SDK1: variants seen among roughly 807,000 people sequenced by gnomAD.
SDK1 encodes sidekick cell adhesion molecule 1.
Under a neutral mutation model 245.5 loss-of-function variants are expected in SDK1, and 157 were observed. The observed-to-expected ratio is 0.64, with a 90% CI of 0.56 to 0.73. SDK1 has a LOEUF of 0.73. Among genes scored for constraint, SDK1 ranks in the 30% least tolerant of loss-of-function variants. The pLI is 0.00. For missense variants in SDK1, 3,583 were observed against 3,002.3 expected, an observed-to-expected ratio of 1.19 and a Z score of -4.52; for synonymous variants, 1,647 against 1,278.5, an observed-to-expected ratio of 1.29 and a Z score of -6.15.
intron 1 of SDK1, among the ~76,000 whole-genome samples, chr7:3,403,860 T>TTATAA (rs1778973137): frequency 8.4e-6 from 1 of 118,810 alleles, no homozygotes; most frequent in Admixed American, 8.5e-5. Context: ...TATATATATA[T>TTATAA]ATATATATAA....
At chr7:3,665,704 G>A (rs1783509256) in intron 4 of SDK1, among the ~76,000 whole-genome samples, 1 of 152,162 alleles carries the variant, frequency 6.6e-6, no homozygotes. Flanking sequence ...CATTCATTGA[G>A]CATTGGTGCT....
chr7:3,901,175 T>C (rs1296530273), intron 5 of SDK1, among the ~76,000 whole-genome samples: 1 of 152,086 alleles, frequency 6.6e-6, no homozygotes, highest in Non-Finnish European at 1.5e-5. Context: ...TCAAGTTAAC[T>C]GTCTTTTTTT....
At chr7:3,991,319 C>T (rs141733530) in intron 14 of SDK1, among the ~76,000 whole-genome samples, 1 of 152,254 alleles carries the variant, frequency 6.6e-6, no homozygotes, top group Non-Finnish European at 1.5e-5. Context: ...GTTCTTCCTC[C>T]TTCTTGGTGG....
intron 1 of SDK1, among the ~76,000 whole-genome samples, chr7:3,388,223 A>T (rs1781657788): frequency 6.6e-6 from 1 of 151,970 alleles, no homozygotes; most frequent in African/African-American, 2.4e-5. Context: ...CTATTTATAA[A>T]TGCTGTGGAT....
intron 4 of SDK1, among the ~76,000 whole-genome samples, chr7:3,757,243 A>G (rs2114985170): frequency 6.6e-6 from 1 of 152,248 alleles, no homozygotes; most frequent in East Asian, 1.9e-4. Context: ...GTAACTCACT[A>G]GAACAGCTCA....
chr7:4,116,257 A>G (rs1783703042), intron 25 of SDK1, among the ~76,000 whole-genome samples: 1 of 152,122 alleles, frequency 6.6e-6, no homozygotes, highest in South Asian at 2.1e-4. Context: ...ACCTCTTCCT[A>G]ATGCTCATCT....
chr7:3,762,920 G>A (rs1780148456), intron 4 of SDK1, among the ~76,000 whole-genome samples: 2 of 152,164 alleles, frequency 1.3e-5, no homozygotes, highest in African/African-American at 4.8e-5. Context: ...GTGTGCACAA[G>A]TCTACAACAT....
chr7:3,709,371 C>T (rs1214993507), intron 4 of SDK1, among the ~76,000 whole-genome samples: 1 of 152,120 alleles, frequency 6.6e-6, no homozygotes, highest in Non-Finnish European at 1.5e-5. Context: ...CATGCAAGGC[C>T]CTTCCTTCTG....
chr7:3,583,491 C>T (rs1459669143), intron 1 of SDK1, among the ~76,000 whole-genome samples: 5 of 152,118 alleles, frequency 3.3e-5, no homozygotes, highest in Non-Finnish European at 7.3e-5. Flanking sequence ...CATTGGAATC[C>T]ACATCTGTAT....
At chr7:3,813,484 G>A (rs1304407362) in intron 4 of SDK1, among the ~76,000 whole-genome samples, 7 of 140,746 alleles carry the variant, frequency 5.0e-5, no homozygotes, top group African/African-American at 1.6e-4. Context: ...GTGTATATGT[G>A]CCACATTTTC....
At chr7:3,720,708 T>G (rs1272338122) in intron 4 of SDK1, among the ~76,000 whole-genome samples, 1 of 152,128 alleles carries the variant, frequency 6.6e-6, no homozygotes, top group African/African-American at 2.4e-5. Context: ...GACCCATGGG[T>G]GCTTACTTTA....
At chr7:4,223,306 T>C (rs1047941534) in intron 40 of SDK1, among the ~76,000 whole-genome samples, 5 of 152,272 alleles carry the variant, frequency 3.3e-5, no homozygotes, top group African/African-American at 1.2e-4. Context: ...CCTGTAATTA[T>C]GGATGCAGGC....
At chr7:4,011,225 C>G (rs767721038) in intron 15 of SDK1, 112 bp downstream of exon 15, 27 of 1,349,222 alleles carry the variant, frequency 2.0e-5, no homozygotes, top group Non-Finnish European at 2.7e-5. Flanking sequence ...TGGCTTCCCT[C>G]AGGGAGACGG....
intron 5 of SDK1, among the ~76,000 whole-genome samples, chr7:3,934,718 C>G (rs1562547978): frequency 6.6e-6 from 1 of 152,230 alleles, no homozygotes; most frequent in Non-Finnish European, 1.5e-5. Flanking sequence ...ATGCGCAAGG[C>G]TGAAAGAGAT....
intron 4 of SDK1, among the ~76,000 whole-genome samples, chr7:3,754,919 C>T (rs1015006064): frequency 5.9e-5 from 9 of 152,280 alleles, no homozygotes; most frequent in South Asian, 4.1e-4. Context: ...TCGTTTGTTA[C>T]GCCTGGAGTT....
chr7:4,021,745 C>G (rs1786913576), intron 17 of SDK1, among the ~76,000 whole-genome samples: 2 of 152,216 alleles, frequency 1.3e-5, no homozygotes, highest in South Asian at 4.1e-4. Context: ...CTTACAATTC[C>G]TGGAATTCTC....
At chr7:4,185,811 A>C (rs537676742) in intron 35 of SDK1, among the ~76,000 whole-genome samples, 101 of 145,230 alleles carry the variant, frequency 7.0e-4, no homozygotes, top group African/African-American at 2.4e-3. Context: ...ATGTTAGAGG[A>C]AGGGTGGGAG....
At chr7:3,829,751 G>T (rs1779868669) in intron 5 of SDK1, among the ~76,000 whole-genome samples, 1 of 152,164 alleles carries the variant, frequency 6.6e-6, no homozygotes, top group African/African-American at 2.4e-5. Flanking sequence ...GAGGAGCTTG[G>T]TTTTGTTTTA....
intron 4 of SDK1, among the ~76,000 whole-genome samples, chr7:3,787,165 C>T (rs994059710): frequency 3.3e-5 from 5 of 151,446 alleles, no homozygotes; most frequent in Non-Finnish European, 5.9e-5. Context: ...CACACACACA[C>T]ACACACACAC....
Sources: gnomAD v4.1 joint callset for allele counts (sites outside exome capture counted in the v4.1 genomes callset) on GRCh38, gnomAD v4.1.1 for gene constraint, MANE v1.5 for transcripts, NCBI Gene and HGNC (gene_info 2026-07-23, HGNC 2026-07-21) for gene names.